Variants in ARHGEF26 observed in about 807,000 individuals in gnomAD.
ARHGEF26 encodes the protein Rho guanine nucleotide exchange factor (GEF) 26.
A neutral mutation model predicts 89.4 loss-of-function variants in ARHGEF26; 59 were observed. The observed-to-expected ratio is 0.66, with a 90% CI of 0.54 to 0.82. The LOEUF is 0.82. Among genes scored for constraint, ARHGEF26 ranks in the 40% least tolerant of loss-of-function variants. The probability of loss-of-function intolerance (pLI) is 0.00; values close to 1 mark genes in which losing one functional copy is unlikely to be tolerated. For synonymous variants in ARHGEF26, 500 were observed against 428.4 expected (o/e 1.17, Z -2.06); for missense variants, 1,234 against 1,085.6 (o/e 1.14, Z -1.92).
At chr3:154,211,959 G>A (rs1319521050) in intron 9 of ARHGEF26, among the ~76,000 whole-genome samples, 1 of 152,110 alleles carries the variant, frequency 6.6e-6, no homozygotes, top group Non-Finnish European at 1.5e-5. Context: ...CTGTGGTAAA[G>A]GGAGGAGAGT....
intron 3 of ARHGEF26, among the ~76,000 whole-genome samples, chr3:154,128,846 A>G (rs1263004310): frequency 6.6e-6 from 1 of 152,116 alleles, no homozygotes; most frequent in Non-Finnish European, 1.5e-5. Flanking sequence ...CCCTCCTCCC[A>G]GCGCTTTCTA....
At chr3:154,180,163 C>G (rs1399204273) in intron 6 of ARHGEF26, among the ~76,000 whole-genome samples, 2 of 152,158 alleles carry the variant, frequency 1.3e-5, no homozygotes, top group Non-Finnish European at 2.9e-5. Flanking sequence ...TTACTTTAAG[C>G]CCACCTGGAT....
intron 9 of ARHGEF26, among the ~76,000 whole-genome samples, chr3:154,206,960 C>T (rs1715053539): frequency 1.3e-5 from 2 of 152,070 alleles, no homozygotes; most frequent in Admixed American, 6.6e-5. Context: ...TAAGACCATA[C>T]ACCTACAATC....
intron 9 of ARHGEF26, among the ~76,000 whole-genome samples, chr3:154,195,653 G>A (rs923083343): frequency 2.0e-5 from 3 of 152,170 alleles, no homozygotes; most frequent in Admixed American, 6.5e-5. Flanking sequence ...AGAAACATAG[G>A]GAGAGTGGAT....
intron 9 of ARHGEF26, among the ~76,000 whole-genome samples, chr3:154,208,852 G>A (rs1308893604): frequency 7.1e-6 from 1 of 140,774 alleles, no homozygotes; most frequent in Non-Finnish European, 1.5e-5. Context: ...TGCAACCTCC[G>A]CCTACCGGAT....
intron 4 of ARHGEF26, among the ~76,000 whole-genome samples, chr3:154,143,646 G>T (rs1192362625): frequency 1.3e-5 from 2 of 152,136 alleles, no homozygotes; most frequent in Non-Finnish European, 2.9e-5. Context: ...TAACAGTTAA[G>T]ACTGAAAGCT....
At chr3:154,238,193 C>T (rs1717245738) in intron 11 of ARHGEF26, among the ~76,000 whole-genome samples, 1 of 152,150 alleles carries the variant, frequency 6.6e-6, no homozygotes, top group Non-Finnish European at 1.5e-5. Flanking sequence ...TATTCACCTT[C>T]CTCTTTTTAT....
chr3:154,130,208 G>A (rs146502299), intron 4 of ARHGEF26, among the ~76,000 whole-genome samples: 24 of 127,900 alleles, frequency 1.9e-4, no homozygotes, highest in Non-Finnish European at 3.1e-4. Flanking sequence ...GTTCAGTGGC[G>A]TGATCTCGGC....
In ARHGEF26 at chr3:154,211,466, A is replaced by T. The variant is rs116619072; in HGVS notation, c.1846-6403A>T. Among the ~76,000 whole-genome samples, 1,036 of 142,556 alleles carry T rather than the reference A, an allele frequency of 7.3e-3. 6 individuals are homozygous for T. Among genetic ancestry groups the T allele is most frequent in the Non-Finnish European group, 0.01 (674 of 65,994 alleles). The allele number at this position is 142,556 out of a possible 152,430, so 93.5% of individuals were successfully genotyped here. A position where few individuals can be genotyped will look rare whatever the true frequency, so the allele number is the denominator to read the frequency against. Reference sequence around the variant, plus strand: ...TCACAATTGCTGTGTTTTCTTTCCCACAGTGCCCAGAGATGCTCTCTGCAA... The same window carrying T: ...TCACAATTGCTGTGTTTTCTTTCCCTCAGTGCCCAGAGATGCTCTCTGCAA... On this transcript the variant is annotated intron_variant, in intron 9 of 14. Coordinates refer to ENST00000465093, the MANE Select transcript of ARHGEF26 (RefSeq NM_015595.4).
chr3:154,233,834 A>C (rs1716953886), intron 11 of ARHGEF26, among the ~76,000 whole-genome samples: 1 of 152,228 alleles, frequency 6.6e-6, no homozygotes, highest in Non-Finnish European at 1.5e-5. Flanking sequence ...GGTCTGAAAA[A>C]ACGCAGGCAG....
chr3:154,174,200 G>GCAAGTCATT (rs1385784042), intron 6 of ARHGEF26, among the ~76,000 whole-genome samples: 18 of 152,202 alleles, frequency 1.2e-4, no homozygotes, highest in Non-Finnish European at 2.6e-4. Flanking sequence ...TGAGTACAGC[G>GCAAGTCATT]CCAGTCATTC....
chr3:154,225,885 G>C lies in ARHGEF26; in HGVS notation c.1965G>C (p.Trp655Cys), dbSNP rs368220552. ...KPFPLVSSSR[W>C]LVKRGELTAY... ...TTCCTTTAGTCTCCTCTTCCCGGTG[G>C]TTGGTAAAAAGAGGTGAATTGACAG... The change falls in exon 11 of 15, where the codon TGG (tryptophan) becomes TGC (cysteine). Residue 655 changes from tryptophan to cysteine, a missense_variant. Coordinates refer to ENST00000465093, the MANE Select transcript of ARHGEF26 (RefSeq NM_015595.4). 1.2e-6 allele frequency: 2 copies of C among 1,608,430 alleles called. No individual in the cohort carries two copies. The highest frequency in any genetic ancestry group is 1.7e-5 in the Admixed American group (1 of 59,172).
At chr3:154,146,430 T>TAAG (rs2108084978) in intron 4 of ARHGEF26, among the ~76,000 whole-genome samples, 1 of 151,718 alleles carries the variant, frequency 6.6e-6, no homozygotes, top group South Asian at 2.1e-4. Flanking sequence ...GAGTGTCTAA[T>TAAG]TACCTTTTGG....
At chr3:154,136,704 A>G (rs1719031795) in intron 4 of ARHGEF26, among the ~76,000 whole-genome samples, 1 of 152,190 alleles carries the variant, frequency 6.6e-6, no homozygotes, top group African/African-American at 2.4e-5. Context: ...ATTTAAACTT[A>G]TTCTTTTCCC....
At chr3:154,129,510 A>G (rs1278487377) in intron 3 of ARHGEF26, 64 bp from the exon 4 acceptor site, 4 of 1,541,158 alleles carry the variant, frequency 2.6e-6, no homozygotes, top group Non-Finnish European at 3.5e-6. Flanking sequence ...TATGATGTTT[A>G]TTTAGAACAA....
chr3:154,201,866 G>C (rs954614727), intron 9 of ARHGEF26, among the ~76,000 whole-genome samples: 12 of 151,914 alleles, frequency 7.9e-5, no homozygotes, highest in Non-Finnish European at 1.3e-4. Flanking sequence ...TTTTTTTCTT[G>C]TAAATTTGTT....
chr3:154,148,651 G>A (rs1235860758), intron 4 of ARHGEF26, among the ~76,000 whole-genome samples: 4 of 152,152 alleles, frequency 2.6e-5, no homozygotes, highest in African/African-American at 9.7e-5. Flanking sequence ...GAGATTGTGG[G>A]CATGGCACCT....
chr3:154,256,395 G>A lies in ARHGEF26; in HGVS notation c.*922G>A. 1 of 759,926 alleles carries A rather than the reference G, an allele frequency of 1.3e-6. No individual in the cohort carries two copies. Among genetic ancestry groups the A allele is most frequent in the Non-Finnish European group, 1.6e-6 (1 of 625,886 alleles). The allele number at this position is 759,926 out of a possible 1,614,324, so 47.1% of individuals were successfully genotyped here. On this transcript the variant is annotated 3_prime_UTR_variant, in exon 15 of 15. Coordinates refer to ENST00000465093, the MANE Select transcript of ARHGEF26 (RefSeq NM_015595.4). Reference sequence around the variant, plus strand: ...ATGCCACCACGCCCAGCTACTTTTTGTATTTTTAGTAGAGACAGGGTTTCA... The same window carrying A: ...ATGCCACCACGCCCAGCTACTTTTTATATTTTTAGTAGAGACAGGGTTTCA...
At chr3:154,226,074 C>T (rs1716466777) in intron 11 of ARHGEF26, 64 bp downstream of exon 11, 3 of 1,370,522 alleles carry the variant, frequency 2.2e-6, no homozygotes, top group Non-Finnish European at 2.9e-6. Flanking sequence ...ATTCAGATGC[C>T]TGTTAGGGTG....
Sources: gnomAD v4.1 joint callset for allele counts (sites outside exome capture counted in the v4.1 genomes callset) on GRCh38, gnomAD v4.1.1 for gene constraint, MANE v1.5 for transcripts, NCBI Gene and HGNC (gene_info 2026-07-23, HGNC 2026-07-21) for gene names.